The following ZNF431 variants were observed in gnomAD, a reference collection of about 807,000 sequenced individuals.
ZNF431 encodes the protein zinc finger protein 431.
A neutral mutation model predicts 57.0 loss-of-function variants in ZNF431; 34 were observed. The observed-to-expected ratio is 0.60, with a 90% CI of 0.45 to 0.79. The LOEUF is 0.79. Among genes scored for constraint, ZNF431 ranks in the 30% least tolerant of loss-of-function variants. The pLI, the probability that ZNF431 is intolerant of heterozygous loss-of-function variation, is 0.00. For missense variants in ZNF431, 607 were observed against 667.1 expected, an observed-to-expected ratio of 0.91 and a Z score of 0.99; for synonymous variants, 207 against 220.3, an observed-to-expected ratio of 0.94 and a Z score of 0.54.
At chr19:21,154,171 C>A (rs1970355888) in intron 2 of ZNF431, among the ~76,000 whole-genome samples, 4 of 152,246 alleles carry the variant, frequency 2.6e-5, no homozygotes, top group Middle Eastern at 3.4e-3. Flanking sequence ...TATCCCTCCC[C>A]CCTCCACCCC....
intron 2 of ZNF431, 31 bp downstream of exon 2, chr19:21,143,674 GC>G (rs1599569541): frequency 1.3e-6 from 2 of 1,523,684 alleles, no homozygotes; most frequent in Non-Finnish European, 9.1e-7. Flanking sequence ...AATTGTCTAC[GC>G]CCAACCCAGC....
In ZNF431 at chr19:21,160,199, G is replaced by A. The variant is rs1186264108; in HGVS notation, c.97-6136G>A. On this transcript the variant is annotated intron_variant, in intron 2 of 4. Transcript: ENST00000311048. ...TTGAGAATATACAGAAAACCAATAG[G>A]AGGCATTTTCTGCATTGTGAGATGT... Among the ~76,000 whole-genome samples the A allele has an allele frequency of 3.3e-5, 5 of 151,996 alleles. No individual in the cohort carries two copies. The East Asian group carries it at 9.7e-4, about 29-fold the overall frequency.
At chr19:21,176,343 C>T (rs564147684) in intron 4 of ZNF431, among the ~76,000 whole-genome samples, 3 of 151,290 alleles carry the variant, frequency 2.0e-5, no homozygotes, top group Admixed American at 6.6e-5. Flanking sequence ...CAAGATCAAG[C>T]GATTCTTCTG....
chr19:21,181,634 TTTAG>T (rs1971213673), intron 4 of ZNF431, among the ~76,000 whole-genome samples: 1 of 152,090 alleles, frequency 6.6e-6, no homozygotes, highest in African/African-American at 2.4e-5. Context: ...TTCAGAATTT[TTTAG>T]TTATATTTTC....
rs2145052274 is a variant in ZNF431, at chr19:21,183,171, T to C, written c.868T>C (p.Cys290Arg). 2 of 1,613,986 alleles carry C rather than the reference T, an allele frequency of 1.2e-6. No homozygotes were observed. The highest frequency in any genetic ancestry group is 4.5e-5 in the East Asian group (2 of 44,850). The part of the protein sequence containing the change: ...IIHTGEKPYR[C>R]EECGKAFNRS... ...TCATACTGGGGAGAAACCATATAGA[T>C]GTGAAGAATGTGGCAAAGCCTTCAA... The change falls in exon 5 of 5, where the codon TGT becomes CGT. Residue 290 changes from cysteine to arginine, a missense_variant. Coordinates refer to ENST00000311048, the MANE Select transcript of ZNF431 (RefSeq NM_133473.4).
intron 4 of ZNF431, among the ~76,000 whole-genome samples, chr19:21,177,989 T>C (rs1208696946): frequency 6.6e-6 from 1 of 152,202 alleles, no homozygotes; most frequent in Non-Finnish European, 1.5e-5. Context: ...TCCTCTCTGA[T>C]TTTCTTGGGC....
chr19:21,193,298 G>T lies in ZNF431; in HGVS notation c.*9264G>T, dbSNP rs913499460. On this transcript the variant is annotated 3_prime_UTR_variant, in exon 5 of 5. Transcript: ENST00000311048. ...AATCCCAGCACTTTGGAAGGCCGAG[G>T]TGGGCGGGTCACCTGAGGTCGGGAG... 7 of 152,242 alleles carry T rather than the reference G, an allele frequency of 4.6e-5. No individual in the cohort carries two copies. The highest frequency in any genetic ancestry group is 7.3e-5 in the Non-Finnish European group (5 of 68,078). The allele number at this position is 152,242 out of a possible 1,614,324, so 9.4% of individuals were successfully genotyped here.
Position 21,167,638 on chromosome 19 carries a change from G to A in ZNF431, c.291G>A (p.Lys97=). ...AAGAAAAAGAGCCCTGGAATATGAA[G>A]AGACATGAGATGGTGGATGAACCCC... ...LEQEKEPWNM[K]RHEMVDEPPA... is the part of the protein sequence containing the mutation. The change falls in exon 4 of 5, where the codon AAG becomes AAA. Residue 97 remains lysine (K), a synonymous_variant. Coordinates refer to ENST00000311048, the MANE Select transcript of ZNF431 (RefSeq NM_133473.4). The A allele has an allele frequency of 6.3e-7, 1 of 1,585,766 alleles. No homozygotes were observed. Among genetic ancestry groups the A allele is most frequent in the Non-Finnish European group, 8.6e-7 (1 of 1,164,698 alleles).
At position 21,183,925 on chromosome 19, in the gene ZNF431, A is replaced by G; in HGVS notation, c.1622A>G (p.Asn541Ser). 6.2e-7 allele frequency: 1 copy of G among 1,613,586 alleles called. No homozygotes were observed. Among genetic ancestry groups the G allele is most frequent in the East Asian group, 2.2e-5 (1 of 44,872 alleles). Residue 541 changes from asparagine to serine, a missense_variant, in exon 5 of 5, where the codon AAC becomes AGC. Physicochemically the swap from Asn to Ser is conservative, Grantham distance 46. Transcript: ENST00000311048. ...ATTCATACTAGACAGAAACCCTACAACTGTGAAGAATGTGACAATACATTT... is the reference window on the plus strand; with the variant it reads ...ATTCATACTAGACAGAAACCCTACAGCTGTGAAGAATGTGACAATACATTT... ...RKIHTRQKPY[N>S]CEECDNTFNQ...
chr19:21,149,757 T>A (rs1970213402), intron 2 of ZNF431: 3 of 633,720 alleles, frequency 4.7e-6, no homozygotes, highest in African/African-American at 3.6e-5. Context: ...GCGGATCTCA[T>A]CCTGTCATTG....
chr19:21,151,058 CT>C (rs1005985260), intron 2 of ZNF431: 17 of 148,678 alleles, frequency 1.1e-4, no homozygotes, highest in Admixed American at 2.0e-4. Context: ...CTTTTTTTTT[CT>C]TTTTTTTTTT....
At chr19:21,159,443 G>C (rs369417305) in intron 2 of ZNF431, among the ~76,000 whole-genome samples, 5 of 152,084 alleles carry the variant, frequency 3.3e-5, no homozygotes, top group African/African-American at 1.2e-4. Flanking sequence ...CGCGATCTTG[G>C]CTTACCACAA....
chr19:21,146,879 C>T (rs1194035312), intron 2 of ZNF431, among the ~76,000 whole-genome samples: 2 of 152,142 alleles, frequency 1.3e-5, no homozygotes, highest in Non-Finnish European at 2.9e-5. Flanking sequence ...ACATCTCCCC[C>T]ATCTTTTTCA....
At position 21,154,024 on chromosome 19, in the gene ZNF431, CA is replaced by C. The variant is rs200728121; in HGVS notation, c.96+10383del. 4.3e-3 allele frequency among the ~76,000 whole-genome samples: 652 copies of C among 151,776 alleles called. 4 individuals are homozygous for C. Among genetic ancestry groups the C allele is most frequent in the African/African-American group, 0.011 (446 of 41,448 alleles). On this transcript the variant is annotated intron_variant, in intron 2 of 4. Transcript: ENST00000311048. ...AGCCGCCGCACCCATTGGGAGTCCC[CA>C]ATTTTTTTTTTATTATACTTTAAGT...
intron 4 of ZNF431, among the ~76,000 whole-genome samples, chr19:21,173,257 A>G (rs1281209282): frequency 6.6e-6 from 1 of 152,178 alleles, no homozygotes; most frequent in Non-Finnish European, 1.5e-5. Context: ...GGATGTTCAA[A>G]TATGTCTTCT....
intron 2 of ZNF431, among the ~76,000 whole-genome samples, chr19:21,156,495 G>C (rs921880060): frequency 6.6e-6 from 1 of 152,100 alleles, no homozygotes; most frequent in African/African-American, 2.4e-5. Flanking sequence ...AACCGAACAG[G>C]TATTTTTTTC....
At chr19:21,155,395 C>T (rs1484922943) in intron 2 of ZNF431, among the ~76,000 whole-genome samples, 1 of 152,104 alleles carries the variant, frequency 6.6e-6, no homozygotes, top group East Asian at 1.9e-4. Flanking sequence ...TGTTTTGGTA[C>T]CAGTACCATG....
chr19:21,157,783 C>T (rs1599587950), intron 2 of ZNF431, among the ~76,000 whole-genome samples: 4 of 152,076 alleles, frequency 2.6e-5, no homozygotes, highest in African/African-American at 9.7e-5. Flanking sequence ...CCGCCTCGGC[C>T]TCCCAAAGTG....
chr19:21,166,285 C>A, intron 2 of ZNF431, 50 bp from the exon 3 acceptor site: 1 of 1,587,892 alleles, frequency 6.3e-7, no homozygotes, highest in South Asian at 1.2e-5. Flanking sequence ...TAAATTCTGC[C>A]CATGGCCACT....
Sources: allele counts gnomAD v4.1 joint callset (sites outside exome capture counted in the v4.1 genomes callset), GRCh38; gene constraint gnomAD v4.1.1; transcripts MANE v1.5; gene names NCBI Gene and HGNC (gene_info 2026-07-23, HGNC 2026-07-21).